Variants in C1orf198 observed in about 807,000 individuals in gnomAD.
C1orf198 encodes the protein uncharacterized protein C1orf198.
C1orf198 carries 17 observed loss-of-function variants against 31.4 expected under a neutral mutation model. The observed-to-expected ratio is 0.54, with a 90% CI of 0.37 to 0.81. C1orf198 has a LOEUF of 0.81. Ranked by LOEUF, C1orf198 falls within the 40% of genes least tolerant of loss-of-function variation. The probability of loss-of-function intolerance (pLI) is 0.00; values close to 1 mark genes in which losing one functional copy is unlikely to be tolerated. For synonymous variants in C1orf198, 175 were observed against 193.8 expected (o/e 0.90, Z 0.81); for missense variants, 401 against 450.3 (o/e 0.89, Z 0.99).
intron 1 of C1orf198, among the ~76,000 whole-genome samples, chr1:230,856,300 C>T (rs1022218381): frequency 2.0e-5 from 3 of 152,154 alleles, no homozygotes; most frequent in East Asian, 1.9e-4. Flanking sequence ...TGAAGAAAAA[C>T]GCCAATGTAA....
At chr1:230,862,245 GACA>G (rs2102991820) in intron 1 of C1orf198, among the ~76,000 whole-genome samples, 1 of 152,304 alleles carries the variant, frequency 6.6e-6, no homozygotes, top group East Asian at 1.9e-4. Context: ...CAGCACCCTG[GACA>G]TGTTGACCAA....
Position 230,839,475 on chromosome 1 carries a change from AG to A in C1orf198, c.*376del, listed in dbSNP as rs1242175057. 1 of 211,164 alleles carries A rather than the reference AG, an allele frequency of 4.7e-6. No individual in the cohort carries two copies. The highest frequency in any genetic ancestry group is 9.2e-6 in the Non-Finnish European group (1 of 109,026). The allele number at this position is 211,164 out of a possible 1,614,324, so 13.1% of individuals were successfully genotyped here. The stretch of plus-strand genomic sequence containing the variant: ...CCATACGGTAAAAAGCGGAGGGGGG[AG>A]GGGGAATAATGGAGAAGGAGATGGA... On this transcript the variant is annotated 3_prime_UTR_variant, in exon 4 of 4. Transcript: ENST00000366663.
chr1:230,868,044 C>CCCCCCCCCCCCA, intron 1 of C1orf198, 136 bp downstream of exon 1: 1 of 951,318 alleles, frequency 1.1e-6, no homozygotes, highest in Non-Finnish European at 1.4e-6. Context: ...GCTCCCCTCC[C>CCCCCCCCCCCCA]ACCCACTGCC....
At position 230,839,529 on chromosome 1, in the gene C1orf198, G is replaced by A. The variant is rs1353444611; in HGVS notation, c.*323C>T. 3.5e-6 allele frequency: 1 copy of A among 282,240 alleles called. No individual in the cohort carries two copies. Among genetic ancestry groups the A allele is most frequent in the Non-Finnish European group, 6.5e-6 (1 of 153,522 alleles). The allele number at this position is 282,240 out of a possible 1,614,324, so 17.5% of individuals were successfully genotyped here. ...TCACTTATATGATTTTTGTGACATG[G>A]TTGAAACACATCCTTTGAGGAGGGG... On this transcript the variant is annotated 3_prime_UTR_variant, in exon 4 of 4. Transcript: ENST00000366663.
chr1:230,860,256 T>C (rs1430500097), intron 1 of C1orf198, among the ~76,000 whole-genome samples: 1 of 152,152 alleles, frequency 6.6e-6, no homozygotes, highest in Non-Finnish European at 1.5e-5. Flanking sequence ...TGTGCACTCT[T>C]GGTGGGAATG....
rs76632090 is a variant in C1orf198, at chr1:230,839,369, G to A, written c.*483C>T. 0.05 allele frequency: 8,212 copies of A among 162,742 alleles called. 701 individuals are homozygous for A. The highest frequency in any genetic ancestry group is 0.18 in the African/African-American group (7,501 of 41,528). 10.1% of individuals were successfully genotyped at this position (162,742 alleles called of 1,614,324 possible). ...GAGCGCTGGCTGAGAACGTCGCTGG[G>A]GGCCAGTCTTTCCGGGGTCACAGCC... On this transcript the variant is annotated 3_prime_UTR_variant, in exon 4 of 4. Coordinates refer to ENST00000366663, the MANE Select transcript of C1orf198 (RefSeq NM_032800.3).
Position 230,843,828 on chromosome 1 carries a change from C to G in C1orf198, c.453G>C (p.Glu151Asp). 6.4e-7 allele frequency: 1 copy of G among 1,563,712 alleles called. No individual in the cohort carries two copies. The highest frequency in any genetic ancestry group is 8.6e-7 in the Non-Finnish European group (1 of 1,156,546). Residue 151 changes from glutamate (E) to aspartate (D), a missense_variant, in exon 3 of 4, where the codon GAG becomes GAC. By Grantham distance (45) the Glu-to-Asp change is conservative. Transcript: ENST00000366663. The surrounding 1 kb of genome is among the most constrained non-coding windows in gnomAD (Gnocchi z 4.9). ...GGGAAGCTTTGGACAGTGGTCTGGG[C>G]TCGCTGGCGGCGGTGCCGTTGCTCG... Reference protein sequence around the residue: ...QEPSNGTAASEPRPLSKASQG... With the variant: ...QEPSNGTAASDPRPLSKASQG...
rs1416727682 is a variant in C1orf198, at chr1:230,840,096, C to T, written c.928-188G>A. ...TAAATACAGTTCAATGCAATCTATA[C>T]TCTGCCAGCATCCAACACTAACCCC... On this transcript the variant is annotated intron_variant, in intron 3 of 3. Coordinates refer to ENST00000366663, the MANE Select transcript of C1orf198 (RefSeq NM_032800.3). The surrounding 1 kb of genome is among the most constrained non-coding windows in gnomAD (Gnocchi z 4.0). Among the ~76,000 whole-genome samples, 3 of 152,230 alleles carry T rather than the reference C, an allele frequency of 2.0e-5. No individual in the cohort carries two copies. The highest frequency in any genetic ancestry group is 1.3e-4 in the Admixed American group (2 of 15,290).
At chr1:230,851,179 G>C (rs979717747) in intron 2 of C1orf198, among the ~76,000 whole-genome samples, 1 of 152,108 alleles carries the variant, frequency 6.6e-6, no homozygotes, top group African/African-American at 2.4e-5. Context: ...AAGATCTTTT[G>C]ATACCCATGA....
At chr1:230,868,033 G>T (rs564070208) in intron 1 of C1orf198, 147 bp downstream of exon 1, 1 of 888,410 alleles carries the variant, frequency 1.1e-6, no homozygotes, top group South Asian at 2.8e-5. Context: ...TCGGCTCTGG[G>T]GCTCCCCTCC....
At chr1:230,849,571 C>A (rs914393772) in intron 2 of C1orf198, among the ~76,000 whole-genome samples, 13 of 152,348 alleles carry the variant, frequency 8.5e-5, no homozygotes, top group African/African-American at 3.1e-4. Context: ...GGAACTGGGT[C>A]TCAGTTGGCC....
In C1orf198 at chr1:230,864,839, G is replaced by C. The variant is rs113805048; in HGVS notation, c.333+3341C>G. On this transcript the variant is annotated intron_variant, in intron 1 of 3. Coordinates refer to ENST00000366663, the MANE Select transcript of C1orf198 (RefSeq NM_032800.3). The stretch of plus-strand genomic sequence containing the variant: ...GACAAGAAGATTGGGGGCAGGAGCA[G>C]GGAGGAACACATTCCTAACAATTCA... 2.9e-3 allele frequency among the ~76,000 whole-genome samples: 448 copies of C among 152,260 alleles called. 2 individuals are homozygous for C. Among genetic ancestry groups the C allele is most frequent in the African/African-American group, 0.01 (431 of 41,544 alleles).
Position 230,843,674 on chromosome 1 carries a change from GCCCCT to G in C1orf198, c.602_606del (p.Glu201AlafsTer2). 6.2e-7 allele frequency: 1 copy of G among 1,614,138 alleles called. No individual in the cohort carries two copies. The highest frequency in any genetic ancestry group is 8.5e-7 in the Non-Finnish European group (1 of 1,179,956). The stretch of plus-strand genomic sequence containing the variant: ...GTCAGCGACTGGAACTCGGCCTCAG[GCCCCT>G]CCCCTCGGGACCGCTCAGCATTGAT... On this transcript the variant is annotated frameshift_variant, in exon 3 of 4. Coordinates refer to ENST00000366663, the MANE Select transcript of C1orf198 (RefSeq NM_032800.3). LOFTEE classifies it high-confidence loss of function. This position sits in a 1 kb window ranked among gnomAD's most constrained non-coding sequence, Gnocchi z 4.9.
chr1:230,857,495 C>A lies in C1orf198; in HGVS notation c.334-1777G>T, dbSNP rs1669902594. Among the ~76,000 whole-genome samples the A allele has an allele frequency of 6.6e-6, 1 of 152,176 alleles. No homozygotes were observed. Among genetic ancestry groups the A allele is most frequent in the Non-Finnish European group, 1.5e-5 (1 of 68,030 alleles). ...CACAGGCTCTTCACAGCTCTTGGCC[C>A]CAGGAGGAAGAGCCAGCCATCAACA... On this transcript the variant is annotated intron_variant, in intron 1 of 3. Transcript: ENST00000366663. The surrounding 1 kb of genome is among the most constrained non-coding windows in gnomAD (Gnocchi z 4.2).
rs1341178856 is a variant in C1orf198 at position 230,868,099 on chromosome 1, C to T, written c.333+81G>A. On this transcript the variant is annotated intron_variant, in intron 1 of 3. Coordinates refer to ENST00000366663, the MANE Select transcript of C1orf198 (RefSeq NM_032800.3). ...CAGCCCCTACCAGCTGGGGCGGCCT[C>T]ACGCCGGCAGGTGCCCACCGGGCCG... 4 of 1,287,320 alleles carry T rather than the reference C, an allele frequency of 3.1e-6. No homozygotes were observed. In the African/African-American group the frequency reaches 6.3e-5, roughly 20 times the overall value. 79.7% of individuals were successfully genotyped at this position (1,287,320 alleles called of 1,614,324 possible).
rs1669493449 is a variant in C1orf198, at chr1:230,843,223, G to T, written c.927+131C>A. 1 of 1,103,466 alleles carries T rather than the reference G, an allele frequency of 9.1e-7. No individual in the cohort carries two copies. The highest frequency in any genetic ancestry group is 1.9e-5 in the African/African-American group (1 of 53,370). The allele number at this position is 1,103,466 out of a possible 1,614,324, so 68.4% of individuals were successfully genotyped here. A position where few individuals can be genotyped will look rare whatever the true frequency, so the allele number is the denominator to read the frequency against. On this transcript the variant is annotated intron_variant, in intron 3 of 3. Transcript: ENST00000366663. This position sits in a 1 kb window ranked among gnomAD's most constrained non-coding sequence, Gnocchi z 4.9. Reference sequence around the variant, plus strand: ...CACCCTGAGCCTAGGCATCCTCTGAGGAAGAGGCAGGGGAAGGAGAAGAAA... The same window carrying T: ...CACCCTGAGCCTAGGCATCCTCTGATGAAGAGGCAGGGGAAGGAGAAGAAA...
At chr1:230,845,277 A>G (rs886911700) in intron 2 of C1orf198, among the ~76,000 whole-genome samples, 5 of 150,404 alleles carry the variant, frequency 3.3e-5, no homozygotes, top group South Asian at 2.1e-4. Context: ...CAGCTACTCA[A>G]TATGCTGAGG....
In C1orf198 at chr1:230,840,688, C is replaced by T. The variant is rs372216873; in HGVS notation, c.928-780G>A. On this transcript the variant is annotated intron_variant, in intron 3 of 3. Coordinates refer to ENST00000366663, the MANE Select transcript of C1orf198 (RefSeq NM_032800.3). The surrounding 1 kb of genome is among the most constrained non-coding windows in gnomAD (Gnocchi z 4.0). ...AACACCGGCAGGCATTTACCTGGTG[C>T]GCCAAGGTCTTCTTGAGCAAAGAAA... Among the ~76,000 whole-genome samples the T allele has an allele frequency of 6.6e-6, 1 of 152,166 alleles. No homozygotes were observed. The highest frequency in any genetic ancestry group is 6.5e-5 in the Admixed American group (1 of 15,276).
At position 230,854,281 on chromosome 1, in the gene C1orf198, A is replaced by G. The variant is rs569403769; in HGVS notation, c.384+1387T>C. Among the ~76,000 whole-genome samples the G allele has an allele frequency of 2.7e-4, 41 of 152,314 alleles. 1 individual carries two copies. The highest frequency in any genetic ancestry group is 9.9e-4 in the African/African-American group (41 of 41,556). On this transcript the variant is annotated intron_variant, in intron 2 of 3. Coordinates refer to ENST00000366663, the MANE Select transcript of C1orf198 (RefSeq NM_032800.3). ...TATCTGGCTATTACCACTAGATATCATCTATAGGATTAGTACTTCTCACAA... is the reference window on the plus strand; with the variant it reads ...TATCTGGCTATTACCACTAGATATCGTCTATAGGATTAGTACTTCTCACAA...
Sources: gnomAD v4.1 joint callset for allele counts (sites outside exome capture counted in the v4.1 genomes callset) on GRCh38, gnomAD v4.1.1 for gene constraint, Gnocchi (gnomAD v3.1) non-coding constraint, MANE v1.5 for transcripts, NCBI Gene and HGNC (gene_info 2026-07-23, HGNC 2026-07-21) for gene names.